Variants in RUVBL1 observed in about 807,000 individuals in gnomAD.
RUVBL1 encodes the protein ruvB-like 1.
In RUVBL1, 4 loss-of-function variants were observed where a neutral mutation model predicts 52.4. The observed-to-expected ratio is 0.08, with a 90% CI of 0.04 to 0.17. RUVBL1 has a LOEUF of 0.17. Ranked by LOEUF, RUVBL1 falls within the 10% of genes least tolerant of loss-of-function variation. The pLI is 1.00. For synonymous variants in RUVBL1, 217 were observed against 214.4 expected, an observed-to-expected ratio of 1.01 and a Z score of -0.10; for missense variants, 298 against 572.8, an observed-to-expected ratio of 0.52 and a Z score of 4.90.
intron 1 of RUVBL1, among the ~76,000 whole-genome samples, chr3:128,121,099 A>C (rs990792094): frequency 2.6e-5 from 4 of 152,012 alleles, no homozygotes; most frequent in Admixed American, 6.5e-5. Flanking sequence ...TTCAGATGCT[A>C]CTTTTCTTTT....
chr3:128,148,909 C>T (rs78773796), intron 1 of RUVBL1, among the ~76,000 whole-genome samples: 1 of 152,234 alleles, frequency 6.6e-6, no homozygotes, highest in African/African-American at 2.4e-5. Flanking sequence ...TATAGACAGA[C>T]CATGATCTCT....
exon 1 of RUVBL1, chr3:128,153,712 CCCG>C: frequency 6.3e-7 from 1 of 1,586,814 alleles, no homozygotes; most frequent in Non-Finnish European, 8.5e-7. Context: ...GTCGTCTTTG[CCCG>C]AGTTCCAGGC....
In RUVBL1 at chr3:128,081,362, T is replaced by A. The variant is rs772183542; in HGVS notation, c.1259A>T (p.Asn420Ile). 6.2e-7 allele frequency: 1 copy of A among 1,614,168 alleles called. No homozygotes were observed. Among genetic ancestry groups the A allele is most frequent in the South Asian group, 1.1e-5 (1 of 91,078 alleles). The change falls in exon 11 of 11, where the codon AAC (asparagine) becomes ATC (isoleucine). Residue 420 changes from asparagine to isoleucine, a missense_variant. By Grantham distance (149) the Asn-to-Ile change is moderately radical. Coordinates refer to ENST00000322623, the MANE Select transcript of RUVBL1 (RefSeq NM_003707.3). The surrounding 1 kb of genome is among the most constrained non-coding windows in gnomAD (Gnocchi z 4.8). ...CTCTTTCTCAATGCTGTCCTTCCCG[T>A]TGATTTTAGCAAGCAAGTTGGCCGG... is the stretch of plus-strand genomic sequence containing the variant. ...LTPANLLAKI[N>I]GKDSIEKEHV...
Position 128,123,576 on chromosome 3 carries a change from G to A in RUVBL1, c.141+8C>T, listed in dbSNP as rs1246574809. The A allele has an allele frequency of 1.2e-6, 2 of 1,601,058 alleles. No homozygotes were observed. Among genetic ancestry groups the A allele is most frequent in the African/African-American group, 2.7e-5 (2 of 74,694 alleles). ...GCAGCCCCCAACTCCCTGGTCCACT[G>A]GCCACACCTCTCGCGCGTTCTCCTG... On this transcript the variant is annotated splice_region_variant and intron_variant, in intron 1 of 10. Coordinates refer to ENST00000322623, the MANE Select transcript of RUVBL1 (RefSeq NM_003707.3).
At chr3:128,080,677 G>C (rs540663893), downstream of RUVBL1, among the ~76,000 whole-genome samples, 1 of 152,114 alleles carries the variant, frequency 6.6e-6, no homozygotes, top group Non-Finnish European at 1.5e-5. Context: ...AAACTGTCAG[G>C]GTCATCAAGA....
At chr3:128,070,468 T>C (rs1393177161) in intron 9 of RUVBL1, 1 of 152,246 alleles carries the variant, frequency 6.6e-6, no homozygotes, top group African/African-American at 2.4e-5. Flanking sequence ...CTGCCAGTCA[T>C]CACTGGACAC....
intron 1 of RUVBL1, among the ~76,000 whole-genome samples, chr3:128,121,139 G>A (rs1307542372): frequency 5.9e-5 from 9 of 151,788 alleles, no homozygotes; most frequent in African/African-American, 1.9e-4. Flanking sequence ...GCTGTCACCC[G>A]GGCTGGAGCG....
chr3:128,110,037 G>C (rs1241435370), intron 3 of RUVBL1, among the ~76,000 whole-genome samples: 1 of 151,792 alleles, frequency 6.6e-6, no homozygotes, highest in Non-Finnish European at 1.5e-5. Flanking sequence ...GCCTGGTCTC[G>C]AACTCCTGAC....
At chr3:128,064,966 C>G in exon 10 of RUVBL1, 1 of 1,614,180 alleles carries the variant, frequency 6.2e-7, no homozygotes, top group Non-Finnish European at 8.5e-7. Context: ...GGCGTTCTAC[C>G]GCCAGAATCT....
chr3:128,153,422 G>A (rs1445318762), exon 1 of RUVBL1: 2 of 1,419,604 alleles, frequency 1.4e-6, no homozygotes, highest in Non-Finnish European at 1.8e-6. Context: ...CCGGTTACGG[G>A]GGGGCAACTT....
rs145039244 is a variant in RUVBL1, at chr3:128,110,053, G to C, written c.361+2835C>G. Among the ~76,000 whole-genome samples the C allele has an allele frequency of 1.6e-3, 240 of 152,080 alleles. 1 individual carries two copies. The highest frequency in any genetic ancestry group is 5.4e-3 in the African/African-American group (223 of 41,476). On this transcript the variant is annotated intron_variant, in intron 3 of 10. Coordinates refer to ENST00000322623, the MANE Select transcript of RUVBL1 (RefSeq NM_003707.3). ...CCTGGTCTCGAACTCCTGACCTCAG[G>C]TGATCCACCGGCCTCGGCCTCCCAA...
intron 1 of RUVBL1, among the ~76,000 whole-genome samples, chr3:128,151,180 C>CATTCTATATATACTCTATAT (rs1412713679): frequency 2.4e-5 from 3 of 125,272 alleles, no homozygotes; most frequent in Non-Finnish European, 4.8e-5. Context: ...ACTCTATATA[C>CATTCTATATATACTCTATAT]ATTCTATATA....
At chr3:128,069,894 G>T in intron 9 of RUVBL1, 1 of 533,562 alleles carries the variant, frequency 1.9e-6, no homozygotes, top group Non-Finnish European at 3.3e-6. Flanking sequence ...CCGACTGCCA[G>T]AGAAGTGGGA....
chr3:128,067,145 C>T lies in RUVBL1; in HGVS notation c.940-1925G>A. On this transcript the variant is annotated intron_variant, in intron 9 of 9. Transcript: ENST00000464873. This position sits in a 1 kb window ranked among gnomAD's most constrained non-coding sequence, Gnocchi z 4.1. Reference sequence around the variant, plus strand: ...ACTTGCTGGTCAGCCTGCTGGGCACCTGGTCGGTAAGTAGGCTCTTTGAAG... The same window carrying T: ...ACTTGCTGGTCAGCCTGCTGGGCACTTGGTCGGTAAGTAGGCTCTTTGAAG... 1 of 1,614,168 alleles carries T rather than the reference C, an allele frequency of 6.2e-7. No individual in the cohort carries two copies. Among genetic ancestry groups the T allele is most frequent in the South Asian group, 1.1e-5 (1 of 91,080 alleles).
downstream of RUVBL1, among the ~76,000 whole-genome samples, chr3:128,077,483 G>C (rs867574646): frequency 6.6e-6 from 1 of 152,224 alleles, no homozygotes; most frequent in Non-Finnish European, 1.5e-5. Flanking sequence ...TCTACCTCCC[G>C]AGGGACCTCT....
exon 1 of RUVBL1, chr3:128,153,653 T>G: frequency 6.3e-7 from 1 of 1,598,408 alleles, no homozygotes; most frequent in Non-Finnish European, 8.5e-7. Context: ...GGCATCACGC[T>G]CGATCTGGGC....
At chr3:128,141,600 G>A (rs889206249) in intron 1 of RUVBL1, among the ~76,000 whole-genome samples, 5 of 152,098 alleles carry the variant, frequency 3.3e-5, no homozygotes, top group African/African-American at 7.2e-5. Context: ...CAGATCAAGC[G>A]ATTCTCCTGC....
In RUVBL1 at chr3:128,080,946, C is replaced by T. The variant is rs966249096; in HGVS notation, c.*304G>A. 3.2e-6 allele frequency: 1 copy of T among 312,702 alleles called. No homozygotes were observed. Among genetic ancestry groups the T allele is most frequent in the African/African-American group, 2.1e-5 (1 of 47,768 alleles). 19.4% of individuals were successfully genotyped at this position (312,702 alleles called of 1,614,324 possible). A position where few individuals can be genotyped will look rare whatever the true frequency, so the allele number is the denominator to read the frequency against. The stretch of plus-strand genomic sequence containing the variant: ...ACTCCCTATTGTATGTTCACAATGA[C>T]TCTGTACATCTAAAACTGTTCTGAA... On this transcript the variant is annotated 3_prime_UTR_variant, in exon 11 of 11. Coordinates refer to ENST00000322623, the MANE Select transcript of RUVBL1 (RefSeq NM_003707.3).
chr3:128,101,635 A>G lies in RUVBL1; in HGVS notation c.527T>C (p.Ile176Thr), dbSNP rs1202487618. The G allele has an allele frequency of 6.2e-7, 1 of 1,613,946 alleles. No homozygotes were observed. The highest frequency in any genetic ancestry group is 1.3e-5 in the African/African-American group (1 of 75,044). The change falls in exon 5 of 11, where the codon ATT (isoleucine) becomes ACT (threonine). Residue 176 changes from isoleucine (I) to threonine (T), a missense_variant. Coordinates refer to ENST00000322623, the MANE Select transcript of RUVBL1 (RefSeq NM_003707.3). ...TCGCTCTTTCTGCAAACTTTCAAAA[A>G]TGCTGGGGTCCAGCTAAAAAAAAAA... ...GTKQLKLDPS[I>T]FESLQKERVE...
Sources: gnomAD v4.1 joint callset for allele counts (sites outside exome capture counted in the v4.1 genomes callset) on GRCh38, gnomAD v4.1.1 for gene constraint, Gnocchi (gnomAD v3.1) non-coding constraint, MANE v1.5 for transcripts, NCBI Gene and HGNC (gene_info 2026-07-23, HGNC 2026-07-21) for gene names.